Variants in SKAP2 observed in about 807,000 individuals in gnomAD.
SKAP2 encodes src kinase associated phosphoprotein 2.
Under a neutral mutation model 54.9 loss-of-function variants are expected in SKAP2, and 28 were observed. That is an observed-to-expected ratio of 0.51 (90% CI 0.38 to 0.70). The LOEUF (loss-of-function observed/expected upper bound fraction) is 0.70, where lower values mean the gene tolerates loss of function less well. SKAP2 is among the 30% of genes least tolerant of loss of function. The pLI is 0.00. For synonymous variants in SKAP2, 137 were observed against 134.3 expected (o/e 1.02, Z -0.14); for missense variants, 356 against 424.1 (o/e 0.84, Z 1.41).
chr7:26,859,575 C>T (rs1299515250), intron 1 of SKAP2, among the ~76,000 whole-genome samples: 1 of 152,112 alleles, frequency 6.6e-6, no homozygotes, highest in Non-Finnish European at 1.5e-5. Flanking sequence ...TCTTACAATC[C>T]AATCATTGGA....
intron 6 of SKAP2, among the ~76,000 whole-genome samples, chr7:26,738,513 T>C (rs1257052699): frequency 6.6e-6 from 1 of 152,234 alleles, no homozygotes; most frequent in Non-Finnish European, 1.5e-5. Flanking sequence ...AACAGTAGGC[T>C]GGATAATAAA....
chr7:26,684,859 G>C lies in SKAP2; in HGVS notation c.875-11C>G. The C allele has an allele frequency of 6.6e-7, 1 of 1,526,656 alleles. No homozygotes were observed. Among genetic ancestry groups the C allele is most frequent in the Non-Finnish European group, 9.1e-7 (1 of 1,104,040 alleles). The allele number at this position is 1,526,656 out of a possible 1,614,324, so 94.6% of individuals were successfully genotyped here. ...CAGTGCTCTTATCCCCTAGGAAGAA[G>C]AAAGAGAAAGCATGAATTAGGGCCT... On this transcript the variant is annotated splice_polypyrimidine_tract_variant and intron_variant, in intron 10 of 12. Transcript: ENST00000345317.
At chr7:26,848,891 T>G (rs528831682) in intron 3 of SKAP2, among the ~76,000 whole-genome samples, 50 of 152,170 alleles carry the variant, frequency 3.3e-4, no homozygotes, top group Non-Finnish European at 6.9e-4. Flanking sequence ...AAAGACAACT[T>G]CTGGCACAAA....
chr7:26,705,883 A>C (rs2127947856), intron 9 of SKAP2, among the ~76,000 whole-genome samples: 1 of 152,334 alleles, frequency 6.6e-6, no homozygotes, highest in South Asian at 2.1e-4. Context: ...AGTTAAAATC[A>C]AAACAAAACA....
chr7:26,736,988 T>C (rs890214326), intron 6 of SKAP2, among the ~76,000 whole-genome samples: 1 of 152,054 alleles, frequency 6.6e-6, no homozygotes, highest in Admixed American at 6.6e-5. Flanking sequence ...TTGAAGTAAA[T>C]ATTAACACGC....
At chr7:26,789,878 T>C (rs890798455) in intron 4 of SKAP2, among the ~76,000 whole-genome samples, 1 of 152,206 alleles carries the variant, frequency 6.6e-6, no homozygotes, top group Non-Finnish European at 1.5e-5. Flanking sequence ...AATAAGTATA[T>C]GGTTGCTCTG....
chr7:26,811,351 A>G (rs1165228154), intron 4 of SKAP2, among the ~76,000 whole-genome samples: 1 of 152,214 alleles, frequency 6.6e-6, no homozygotes, highest in East Asian at 1.9e-4. Context: ...ATTTTACCTT[A>G]AAGGCTTCAG....
rs111438505 is a variant in SKAP2, at chr7:26,687,740, GGTTTGCAAAA to G, written c.874+2535_874+2544del. ...AAGCACCGACAGCCTCAAAAGCGCAGGTTTGCAAAAGTTAACACTGTTCACCCCTAAACAC... is the reference window on the plus strand; with the variant it reads ...AAGCACCGACAGCCTCAAAAGCGCAGGTTAACACTGTTCACCCCTAAACAC... On this transcript the variant is annotated intron_variant, in intron 10 of 12. Coordinates refer to ENST00000345317, the MANE Select transcript of SKAP2 (RefSeq NM_003930.5). Among the ~76,000 whole-genome samples, 274 of 152,106 alleles carry G rather than the reference GGTTTGCAAAA, an allele frequency of 1.8e-3. 1 individual carries two copies. Among genetic ancestry groups the G allele is most frequent in the African/African-American group, 6.2e-3 (259 of 41,500 alleles).
intron 4 of SKAP2, among the ~76,000 whole-genome samples, chr7:26,785,631 T>C (rs964708307): frequency 5.3e-5 from 8 of 152,188 alleles, no homozygotes; most frequent in Non-Finnish European, 7.3e-5. Context: ...AACCAAAACA[T>C]GGTCTATCCT....
At position 26,844,096 on chromosome 7, in the gene SKAP2, C is replaced by A; in HGVS notation, c.241G>T (p.Gly81Trp). The A allele has an allele frequency of 6.2e-7, 1 of 1,611,514 alleles. No homozygotes were observed. The highest frequency in any genetic ancestry group is 8.5e-7 in the Non-Finnish European group (1 of 1,178,766). The change falls in exon 4 of 13, where the codon GGG becomes TGG. Residue 81 changes from glycine to tryptophan, a missense_variant. By Grantham distance (184) the Gly-to-Trp change is radical. Coordinates refer to ENST00000345317, the MANE Select transcript of SKAP2 (RefSeq NM_003930.5). ...DGEEYDDPFA[G>W]PPDTISLASE... Reference sequence around the variant, plus strand: ...GCTAATGAAATAGTGTCTGGAGGCCCAGCAAAAGGGTCATCATATTCTTCC... The same window carrying A: ...GCTAATGAAATAGTGTCTGGAGGCCAAGCAAAAGGGTCATCATATTCTTCC...
At chr7:26,837,898 T>G (rs1289847736) in intron 4 of SKAP2, among the ~76,000 whole-genome samples, 1 of 152,130 alleles carries the variant, frequency 6.6e-6, no homozygotes, top group Non-Finnish European at 1.5e-5. Flanking sequence ...AAAAAGTAAC[T>G]CTTTTAAGAG....
intron 1 of SKAP2, among the ~76,000 whole-genome samples, chr7:26,860,019 G>A (rs2127999637): frequency 6.6e-6 from 1 of 152,234 alleles, no homozygotes; most frequent in East Asian, 1.9e-4. Context: ...TTCCTACTCT[G>A]TTGTGTCTAC....
intron 1 of SKAP2, 70 bp downstream of exon 1, chr7:26,864,293 C>G: frequency 1.3e-6 from 2 of 1,593,866 alleles, no homozygotes; most frequent in Non-Finnish European, 8.6e-7. Flanking sequence ...CTGAATGCTT[C>G]TGTCCCCACC....
chr7:26,826,571 T>C (rs1784497860), intron 4 of SKAP2, among the ~76,000 whole-genome samples: 2 of 152,232 alleles, frequency 1.3e-5, no homozygotes, highest in Admixed American at 1.3e-4. Context: ...ATTACCTCCA[T>C]GTTCTACATA....
At chr7:26,663,593 A>G (rs1439499824), downstream of SKAP2, among the ~76,000 whole-genome samples, 2 of 152,182 alleles carry the variant, frequency 1.3e-5, no homozygotes, top group Non-Finnish European at 2.9e-5. Context: ...ATGTTTTACA[A>G]TGAAGTTTAC....
At chr7:26,814,188 T>A (rs1044261284) in intron 4 of SKAP2, among the ~76,000 whole-genome samples, 6 of 152,204 alleles carry the variant, frequency 3.9e-5, no homozygotes, top group African/African-American at 1.4e-4. Flanking sequence ...AGAACATGAA[T>A]CATATGTATG....
intron 9 of SKAP2, among the ~76,000 whole-genome samples, chr7:26,714,149 G>A (rs1787374959): frequency 6.6e-6 from 1 of 152,096 alleles, no homozygotes; most frequent in South Asian, 2.1e-4. Flanking sequence ...CAGGAACAAA[G>A]GGAGCTCTTC....
chr7:26,855,848 T>TA (rs3839809), intron 1 of SKAP2, among the ~76,000 whole-genome samples: 32,341 of 151,996 alleles, frequency 0.21, 3,542 homozygotes, highest in Non-Finnish European at 0.24. Flanking sequence ...AGGATATCAT[T>TA]AAAGATGTTT....
intron 4 of SKAP2, among the ~76,000 whole-genome samples, chr7:26,797,423 C>G (rs1276465461): frequency 6.6e-6 from 1 of 152,186 alleles, no homozygotes; most frequent in African/African-American, 2.4e-5. Context: ...CCTGGTAATC[C>G]AGAGAATTCT....
Sources: gnomAD v4.1 joint callset for allele counts (sites outside exome capture counted in the v4.1 genomes callset) on GRCh38, gnomAD v4.1.1 for gene constraint, MANE v1.5 for transcripts, NCBI Gene and HGNC (gene_info 2026-07-23, HGNC 2026-07-21) for gene names.